Variants in TNRC18 observed in about 807,000 individuals in gnomAD.
The protein encoded by TNRC18 is trinucleotide repeat-containing gene 18 protein.
TNRC18 carries 69 observed loss-of-function variants against 226.7 expected under a neutral mutation model. That is an observed-to-expected ratio of 0.30 (90% CI 0.25 to 0.37). TNRC18 has a LOEUF of 0.37. Among genes scored for constraint, TNRC18 ranks in the 10% least tolerant of loss-of-function variants. The pLI, the probability that TNRC18 is intolerant of heterozygous loss-of-function variation, is 1.00. For synonymous variants in TNRC18, 2,449 were observed against 1,927.6 expected (o/e 1.27, Z -7.09); for missense variants, 4,754 against 4,256.6 (o/e 1.12, Z -3.25).
chr7:5,364,462 A>AACACACACACACACACAC (rs58752853), intron 11 of TNRC18, among the ~76,000 whole-genome samples: 34 of 116,716 alleles, frequency 2.9e-4, no homozygotes, highest in African/African-American at 3.9e-4. Flanking sequence ...TCTCAAAGAA[A>AACACACACACACACACAC]ACACACACAC....
intron 15 of TNRC18, among the ~76,000 whole-genome samples, chr7:5,358,790 GGTGACTGAGTGACTCT>G (rs1441271347): frequency 6.6e-6 from 1 of 152,058 alleles, no homozygotes; most frequent in Non-Finnish European, 1.5e-5. Context: ...CTCCAGCCTG[GGTGACTGAGTGACTCT>G]GTCTCAAAAA....
At chr7:5,383,670 T>C (rs1779555480) in intron 5 of TNRC18, among the ~76,000 whole-genome samples, 1 of 152,010 alleles carries the variant, frequency 6.6e-6, no homozygotes. Context: ...GACACAGGCG[T>C]CCCAGGGCGT....
At chr7:5,328,260 C>T (rs1483130391) in intron 19 of TNRC18, among the ~76,000 whole-genome samples, 2 of 152,116 alleles carry the variant, frequency 1.3e-5, no homozygotes, top group East Asian at 1.9e-4. Flanking sequence ...TGGTGGCTCA[C>T]GCCTGTAATC....
chr7:5,341,693 G>A (rs1354733579), intron 18 of TNRC18, among the ~76,000 whole-genome samples: 1 of 150,058 alleles, frequency 6.7e-6, no homozygotes, highest in Admixed American at 6.7e-5. Flanking sequence ...GAACCTGGGA[G>A]GCGGAGGTTG....
intron 18 of TNRC18, among the ~76,000 whole-genome samples, chr7:5,336,873 G>A (rs186247192): frequency 6.6e-6 from 1 of 152,186 alleles, no homozygotes; most frequent in East Asian, 1.9e-4. Flanking sequence ...TTGGGTGTGG[G>A]GGAACCAGCC....
chr7:5,320,510 G>C (rs760397778), intron 23 of TNRC18, 22 bp downstream of exon 23: 21 of 1,585,496 alleles, frequency 1.3e-5, no homozygotes, highest in Non-Finnish European at 1.8e-5. Flanking sequence ...AGCCTCCCGA[G>C]GCCCCGCCCC....
At position 5,376,900 on chromosome 7, in the gene TNRC18, T is replaced by A. The variant is rs776766650; in HGVS notation, c.2555A>T (p.Asp852Val). 2.5e-6 allele frequency: 4 copies of A among 1,610,188 alleles called. No homozygotes were observed. Among genetic ancestry groups the A allele is most frequent in the Non-Finnish European group, 3.4e-6 (4 of 1,178,374 alleles). ...SLPSAYQFVRDPQSGQLVVIP... is the reference protein window; with the variant it reads ...SLPSAYQFVRVPQSGQLVVIP... Reference sequence around the variant, plus strand: ...GACCACCAGCTGGCCCGATTGGGGGTCCCTGACAAACTGGTAGGCTGACGG... The same window carrying A: ...GACCACCAGCTGGCCCGATTGGGGGACCCTGACAAACTGGTAGGCTGACGG... Residue 852 changes from aspartate (D) to valine (V), a missense_variant, in exon 8 of 30, where the codon GAC becomes GTC. By Grantham distance (152) the Asp-to-Val change is radical. Coordinates refer to ENST00000430969, the MANE Select transcript of TNRC18 (RefSeq NM_001080495.3).
At chr7:5,315,729 A>G (rs919935671) in intron 25 of TNRC18, among the ~76,000 whole-genome samples, 2 of 152,148 alleles carry the variant, frequency 1.3e-5, no homozygotes, top group African/African-American at 2.4e-5. Context: ...GCCATTAACA[A>G]TTTTTGATCA....
intron 19 of TNRC18, among the ~76,000 whole-genome samples, chr7:5,329,280 G>A (rs1329665084): frequency 6.6e-6 from 1 of 151,564 alleles, no homozygotes; most frequent in African/African-American, 2.4e-5. Flanking sequence ...TCCAGTCTGG[G>A]CAGTAGGACA....
At position 5,388,446 on chromosome 7, in the gene TNRC18, C is replaced by G. The variant is rs761532239; in HGVS notation, c.1378G>C (p.Val460Leu). The change falls in exon 5 of 30, where the codon GTG becomes CTG. Residue 460 changes from valine (V) to leucine (L), a missense_variant. Transcript: ENST00000430969. ...TRASPDPRAY[V>L]PAKELLKPEA... is the part of the protein sequence containing the mutation. Reference sequence around the variant, plus strand: ...GGCTTGAGCAGCTCCTTGGCAGGCACGTAGGCGCGGGGGTCCGGGGAGGCG... The same window carrying G: ...GGCTTGAGCAGCTCCTTGGCAGGCAGGTAGGCGCGGGGGTCCGGGGAGGCG... 2.3e-5 allele frequency: 33 copies of G among 1,459,566 alleles called. 1 individual carries two copies. In the South Asian group the frequency reaches 2.7e-4, roughly 12 times the overall value. The allele number at this position is 1,459,566 out of a possible 1,614,324, so 90.4% of individuals were successfully genotyped here.
intron 19 of TNRC18, among the ~76,000 whole-genome samples, chr7:5,329,712 A>C (rs1455639768): frequency 6.8e-6 from 1 of 146,180 alleles, no homozygotes; most frequent in Admixed American, 6.9e-5. Context: ...AAAAAAGGAT[A>C]GCTATCTGTC....
In TNRC18 at chr7:5,377,334, C is replaced by CCCCAAG; in HGVS notation, c.2461+36_2461+37insCTTGGG. 1 of 1,384,202 alleles carries CCCCAAG rather than the reference C, an allele frequency of 7.2e-7. No homozygotes were observed. The highest frequency in any genetic ancestry group is 9.8e-7 in the Non-Finnish European group (1 of 1,023,598). The allele number at this position is 1,384,202 out of a possible 1,614,324, so 85.7% of individuals were successfully genotyped here. A position where few individuals can be genotyped will look rare whatever the true frequency, so the allele number is the denominator to read the frequency against. On this transcript the variant is annotated intron_variant, in intron 7 of 29. Coordinates refer to ENST00000430969, the MANE Select transcript of TNRC18 (RefSeq NM_001080495.3). The surrounding 1 kb of genome is among the most constrained non-coding windows in gnomAD (Gnocchi z 5.8). ...TGCACCCGCCCCCTCCCACCCCTCC[C>CCCCAAG]TCAGAGAAGGGGAGAGACCCTGTGC... is the stretch of plus-strand genomic sequence containing the variant.
At position 5,307,942 on chromosome 7, in the gene TNRC18, GCA is replaced by G. The variant is rs895709747; in HGVS notation, c.*162_*163del. On this transcript the variant is annotated 3_prime_UTR_variant, in exon 30 of 30. Transcript: ENST00000430969. ...TGCACATGCGTGCACACACGTGCAT[GCA>G]CACACACTCACCCGGGCATCCACGT... The G allele has an allele frequency of 6.1e-4, 393 of 644,204 alleles. 4 individuals are homozygous for G. In the East Asian group the frequency reaches 8.2e-3, roughly 13 times the overall value. 39.9% of individuals were successfully genotyped at this position (644,204 alleles called of 1,614,324 possible).
At chr7:5,411,454 G>A (rs981587955) in intron 2 of TNRC18, among the ~76,000 whole-genome samples, 15 of 145,282 alleles carry the variant, frequency 1.0e-4, no homozygotes, top group Non-Finnish European at 5.9e-5. Flanking sequence ...GGAGGCAGAG[G>A]TTGCAGTGAG....
At position 5,389,185 on chromosome 7, in the gene TNRC18, G is replaced by A. The variant is rs1780081338; in HGVS notation, c.639C>T (p.Gly213=). The A allele has an allele frequency of 7.6e-7, 1 of 1,317,048 alleles. No individual in the cohort carries two copies. Among genetic ancestry groups the A allele is most frequent in the Non-Finnish European group, 9.7e-7 (1 of 1,035,414 alleles). The allele number at this position is 1,317,048 out of a possible 1,614,324, so 81.6% of individuals were successfully genotyped here. ...DGPAKERAGR[G]GEPPPLFGKK... is the part of the protein sequence containing the mutation. The stretch of plus-strand genomic sequence containing the variant: ...TGCCGAAAAGCGGAGGCGGCTCCCC[G>A]CCGCGGCCCGCCCGCTCCTTGGCTG... Residue 213 remains glycine (G), a synonymous_variant, in exon 5 of 30, where the codon GGC becomes GGT. Coordinates refer to ENST00000430969, the MANE Select transcript of TNRC18 (RefSeq NM_001080495.3).
rs763860716 is a variant in TNRC18 at position 5,388,057 on chromosome 7, T to C, written c.1767A>G (p.Ile589Met). 4.5e-6 allele frequency: 7 copies of C among 1,559,854 alleles called. No individual in the cohort carries two copies. Among genetic ancestry groups the C allele is most frequent in the Non-Finnish European group, 6.1e-6 (7 of 1,152,656 alleles). ...SGEASAMQSL[I>M]KYSGSFARDA... Reference sequence around the variant, plus strand: ...CCCGGGCAAAGCTGCCACTGTACTTTATAAGGCTCTGCATGGCCGAGGCCT... The same window carrying C: ...CCCGGGCAAAGCTGCCACTGTACTTCATAAGGCTCTGCATGGCCGAGGCCT... Residue 589 changes from isoleucine to methionine, a missense_variant, in exon 5 of 30, where the codon ATA becomes ATG. Transcript: ENST00000430969.
chr7:5,380,862 C>A (rs993804378), intron 5 of TNRC18, among the ~76,000 whole-genome samples: 23 of 152,280 alleles, frequency 1.5e-4, no homozygotes, highest in South Asian at 4.1e-4. Context: ...GACAGCCGTC[C>A]CAGCTTACAG....
Position 5,408,637 on chromosome 7 carries a change from G to A in TNRC18, c.187+12423C>T, listed in dbSNP as rs112759410. Among the ~76,000 whole-genome samples, 11 of 152,160 alleles carry A rather than the reference G, an allele frequency of 7.2e-5. 1 individual carries two copies. Among genetic ancestry groups the A allele is most frequent in the African/African-American group, 1.9e-4 (8 of 41,522 alleles). On this transcript the variant is annotated intron_variant, in intron 2 of 29. Transcript: ENST00000430969. ...AGCCTGAGTGACAGAATGAGACTCC[G>A]TCTCAAAAAACAGAAAGAAAAAAAA...
In TNRC18 at chr7:5,353,698, T is replaced by C. The variant is rs143592777; in HGVS notation, c.5195-1604A>G. 1.4e-3 allele frequency among the ~76,000 whole-genome samples: 215 copies of C among 152,152 alleles called. 2 individuals carry two copies. In the East Asian group the frequency reaches 0.037, roughly 26 times the overall value. The stretch of plus-strand genomic sequence containing the variant: ...CCTGCTGGACACACCCCTACCTCCT[T>C]GTGAACCCTGCACTCTCTCTGACCC... On this transcript the variant is annotated intron_variant, in intron 16 of 29. Coordinates refer to ENST00000430969, the MANE Select transcript of TNRC18 (RefSeq NM_001080495.3).
Sources: allele counts gnomAD v4.1 joint callset (sites outside exome capture counted in the v4.1 genomes callset), GRCh38; gene constraint gnomAD v4.1.1; non-coding constraint Gnocchi (gnomAD v3.1); transcripts MANE v1.5; gene names NCBI Gene and HGNC (gene_info 2026-07-23, HGNC 2026-07-21).